Variants in GCM2 observed in about 807,000 individuals in gnomAD.
GCM2 encodes GCM transcription factor 2.
A neutral mutation model predicts 24.8 loss-of-function variants in GCM2; 21 were observed. That is an observed-to-expected ratio of 0.85 (90% CI 0.60 to 1.22). GCM2 has a LOEUF of 1.22. GCM2 is among the 50% of genes most tolerant of loss of function. GCM2 has a pLI of 0.00. For missense variants in GCM2, 532 were observed against 645.6 expected, an observed-to-expected ratio of 0.82 and a Z score of 1.91; for synonymous variants, 222 against 238.0, an observed-to-expected ratio of 0.93 and a Z score of 0.62.
chr6:10,876,088 T>A, intron 3 of GCM2, 72 bp from the exon 4 acceptor site: 3 of 1,480,410 alleles, frequency 2.0e-6, no homozygotes, highest in South Asian at 1.1e-5. Context: ...CAAAAATTGA[T>A]CATGCCTTTC....
At chr6:10,878,659 C>G (rs1452094604) in intron 1 of GCM2, among the ~76,000 whole-genome samples, 1 of 152,184 alleles carries the variant, frequency 6.6e-6, no homozygotes, top group Non-Finnish European at 1.5e-5. Flanking sequence ...GCTGCTTTCA[C>G]ACTACAGTGC....
intron 4 of GCM2, 149 bp from the exon 5 acceptor site, chr6:10,875,082 G>T: frequency 1.4e-6 from 1 of 693,976 alleles, no homozygotes; most frequent in Non-Finnish European, 2.6e-6. Context: ...CGTGATGTAA[G>T]CACGTGGTCC....
In GCM2 at chr6:10,881,556, GTGTGTGTGTGT is replaced by G. The variant is rs1779958661; in HGVS notation, c.90+137_90+147del. 7 of 6,598 alleles carry G rather than the reference GTGTGTGTGTGT, an allele frequency of 1.1e-3. No homozygotes were observed. In the East Asian group the frequency reaches 0.066, roughly 62 times the overall value. 0.4% of individuals were successfully genotyped at this position (6,598 alleles called of 1,614,324 possible). A position where few individuals can be genotyped will look rare whatever the true frequency, so the allele number is the denominator to read the frequency against. On this transcript the variant is annotated intron_variant, in intron 1 of 4. Coordinates refer to ENST00000379491, the MANE Select transcript of GCM2 (RefSeq NM_004752.4). The stretch of plus-strand genomic sequence containing the variant: ...AGAAACCCAGAAATTTTGCGGGTAT[GTGTGTGTGTGT>G]GTGTGTGTGTGTGTGTGTGTGTGTG...
intron 2 of GCM2, 92 bp downstream of exon 2, chr6:10,877,048 G>A: frequency 6.7e-7 from 1 of 1,495,656 alleles, no homozygotes; most frequent in Admixed American, 1.7e-5. Flanking sequence ...GAGTGACAGA[G>A]TGAGGCTCCA....
In GCM2 at chr6:10,873,502, C is replaced by T. The variant is rs1779832890; in HGVS notation, c.*493G>A. On this transcript the variant is annotated 3_prime_UTR_variant, in exon 5 of 5. Transcript: ENST00000379491. ...GGAGATAAAACAATCAAAATTACTT[C>T]CTGAAGCTAGTTTAACAGGTTCTAA... 6.0e-6 allele frequency: 1 copy of T among 167,854 alleles called. No individual in the cohort carries two copies. Among genetic ancestry groups the T allele is most frequent in the Non-Finnish European group, 1.3e-5 (1 of 76,684 alleles). 10.4% of individuals were successfully genotyped at this position (167,854 alleles called of 1,614,324 possible). A position where few individuals can be genotyped will look rare whatever the true frequency, so the allele number is the denominator to read the frequency against.
chr6:10,874,962 C>G (rs150947820), intron 4 of GCM2, 29 bp from the exon 5 acceptor site: 2 of 1,473,814 alleles, frequency 1.4e-6, no homozygotes, highest in Non-Finnish European at 1.9e-6. Context: ...CATAGACACA[C>G]GCTATGTAAA....
chr6:10,875,036 T>C, intron 4 of GCM2, 103 bp from the exon 5 acceptor site: 2 of 847,684 alleles, frequency 2.4e-6, no homozygotes, highest in Non-Finnish European at 4.0e-6. Context: ...ATCCATGTGC[T>C]GGGCTCTGTG....
rs935515272 is a variant in GCM2, at chr6:10,873,546, A to C, written c.*449T>G. 1 of 181,310 alleles carries C rather than the reference A, an allele frequency of 5.5e-6. No homozygotes were observed. The highest frequency in any genetic ancestry group is 1.2e-5 in the Non-Finnish European group (1 of 84,790). 11.2% of individuals were successfully genotyped at this position (181,310 alleles called of 1,614,324 possible). A position where few individuals can be genotyped will look rare whatever the true frequency, so the allele number is the denominator to read the frequency against. On this transcript the variant is annotated 3_prime_UTR_variant, in exon 5 of 5. Transcript: ENST00000379491. ...GTTCTAAATGCTAAACAAAAATTTC[A>C]TGAAATGACTCAGGTGATAAGATTG...
intron 4 of GCM2, 31 bp downstream of exon 4, chr6:10,875,860 A>G: frequency 6.2e-7 from 1 of 1,611,340 alleles, no homozygotes. Context: ...AAATGAGCTG[A>G]GACCACTGTG....
In GCM2 at chr6:10,874,821, C is replaced by A. The variant is rs1214241179; in HGVS notation, c.695G>T (p.Cys232Phe). Residue 232 changes from cysteine (C) to phenylalanine (F), a missense_variant, in exon 5 of 5, where the codon TGC becomes TTC. Coordinates refer to ENST00000379491, the MANE Select transcript of GCM2 (RefSeq NM_004752.4). ...ETSFPIPGQP[C>F]PSFPKSDVYK... Reference sequence around the variant, plus strand: ...AACATCAGACTTTGGGAAGGAAGGGCAAGGCTGCCCTGGAATAGGGAAGCT... The same window carrying A: ...AACATCAGACTTTGGGAAGGAAGGGAAAGGCTGCCCTGGAATAGGGAAGCT... The A allele has an allele frequency of 6.2e-7, 1 of 1,613,144 alleles. No homozygotes were observed. Among genetic ancestry groups the A allele is most frequent in the Admixed American group, 1.7e-5 (1 of 59,938 alleles).
intron 4 of GCM2, among the ~76,000 whole-genome samples, chr6:10,875,525 A>C (rs765959226): frequency 6.7e-4 from 102 of 152,300 alleles, no homozygotes; most frequent in Admixed American, 2.4e-3. Context: ...AATTTTATCC[A>C]TTCTTGTGGA....
chr6:10,874,193 A>C lies in GCM2; in HGVS notation c.1323T>G (p.Ser441=). 1 of 1,614,186 alleles carries C rather than the reference A, an allele frequency of 6.2e-7. No homozygotes were observed. The highest frequency in any genetic ancestry group is 8.5e-7 in the Non-Finnish European group (1 of 1,180,030). The change falls in exon 5 of 5, where the codon TCT becomes TCG. Residue 441 remains serine (S), a synonymous_variant. Transcript: ENST00000379491. The stretch of plus-strand genomic sequence containing the variant: ...TTTTCATAGGAGGTGGCCCTGAAGG[A>C]GAGGCTGCCCTGGTGACTGTCACCG... The part of the protein sequence containing the change: ...GPPVTVTRAA[S]PSGPPPMKIA...
Position 10,874,155 on chromosome 6 carries a change from C to T in GCM2, c.1361G>A (p.Cys454Tyr), listed in dbSNP as rs761953054. The part of the protein sequence containing the change: ...GPPPMKIAGD[C>Y]RAIRPTVAIP... ...AGCCACAGTGGGTCTGATGGCCCGG[C>T]AATCTCCTGCAATTTTCATAGGAGG... The change falls in exon 5 of 5, where the codon TGC becomes TAC. Residue 454 changes from cysteine (C) to tyrosine (Y), a missense_variant. By Grantham distance (194) the Cys-to-Tyr change is radical. Coordinates refer to ENST00000379491, the MANE Select transcript of GCM2 (RefSeq NM_004752.4). 1.9e-6 allele frequency: 3 copies of T among 1,614,176 alleles called. No individual in the cohort carries two copies. Among genetic ancestry groups the T allele is most frequent in the South Asian group, 1.1e-5 (1 of 91,082 alleles).
In GCM2 at chr6:10,881,765, A is replaced by G. The variant is rs753942186; in HGVS notation, c.29T>C (p.Val10Ala). MPAAAVQEA[V>A]GVCSYGMQLS... The stretch of plus-strand genomic sequence containing the variant: ...CTGCATCCCGTAGGAGCACACGCCG[A>G]CCGCTTCCTGCACCGCGGCCGCCGG... Residue 10 changes from valine to alanine, a missense_variant, in exon 1 of 5, where the codon GTC becomes GCC. This residue lies in a region of GCM2 where 96 missense variants were observed against 103.5 expected (regional missense o/e 0.93). Coordinates refer to ENST00000379491, the MANE Select transcript of GCM2 (RefSeq NM_004752.4). The G allele has an allele frequency of 4.3e-6, 7 of 1,609,780 alleles. No homozygotes were observed. In the Admixed American group the frequency reaches 1.2e-4, roughly 27 times the overall value.
In GCM2 at chr6:10,874,330, G is replaced by GCTGGTAGGC. The variant is rs551375300; in HGVS notation, c.1177_1185dup (p.Ala393_Gln395dup). 2,090 of 1,614,206 alleles carry GCTGGTAGGC rather than the reference G, an allele frequency of 1.3e-3. 11 individuals are homozygous for GCTGGTAGGC. In the Middle Eastern group the frequency reaches 0.016, roughly 12 times the overall value. ...CTGTCACTGTATTTCATAGCAGGGG[G>GCTGGTAGGC]CTGGTAGGCCTGGTAGGACACTTTA... On this transcript the variant is annotated inframe_insertion, in exon 5 of 5. Transcript: ENST00000379491.
At chr6:10,876,843 C>T (rs758706832) in intron 2 of GCM2, among the ~76,000 whole-genome samples, 4 of 152,214 alleles carry the variant, frequency 2.6e-5, no homozygotes, top group Admixed American at 6.5e-5. Context: ...ACAGGCAGAT[C>T]ACCTGATGTC....
chr6:10,876,094 C>T (rs1355810645), intron 3 of GCM2, 78 bp from the exon 4 acceptor site: 3 of 1,416,138 alleles, frequency 2.1e-6, no homozygotes, highest in Non-Finnish European at 3.0e-6. Context: ...TTGATCATGC[C>T]TTTCCCAACA....
At chr6:10,879,278 T>G (rs916864237) in intron 1 of GCM2, among the ~76,000 whole-genome samples, 16 of 152,176 alleles carry the variant, frequency 1.1e-4, no homozygotes, top group Admixed American at 8.5e-4. Flanking sequence ...AGTAACAAAT[T>G]GACAATTTTC....
chr6:10,878,882 T>G (rs1405311921), intron 1 of GCM2, among the ~76,000 whole-genome samples: 1 of 152,146 alleles, frequency 6.6e-6, no homozygotes, highest in African/African-American at 2.4e-5. Context: ...GCTGGTGTAA[T>G]AAAGGCTCAG....
Sources: gnomAD v4.1 joint callset for allele counts (sites outside exome capture counted in the v4.1 genomes callset) on GRCh38, gnomAD v4.1.1 for gene constraint, gnomAD v4.1.1 regional missense constraint, MANE v1.5 for transcripts, NCBI Gene and HGNC (gene_info 2026-07-23, HGNC 2026-07-21) for gene names.